Variants in RBFOX1 observed in about 807,000 individuals in gnomAD.
RBFOX1 encodes RNA binding fox-1 homolog 1.
In RBFOX1, 8 loss-of-function variants were observed where a neutral mutation model predicts 57.7. That is an observed-to-expected ratio of 0.14 (90% CI 0.08 to 0.25). RBFOX1 has a LOEUF of 0.25. RBFOX1 is among the 10% of genes least tolerant of loss of function. The probability of loss-of-function intolerance (pLI) is 1.00; values close to 1 mark genes in which losing one functional copy is unlikely to be tolerated. For missense variants in RBFOX1, 611 were observed against 548.5 expected (o/e 1.11, Z -1.14); for synonymous variants, 326 against 222.4 (o/e 1.47, Z -4.15).
intron 1 of RBFOX1, among the ~76,000 whole-genome samples, chr16:5,282,698 C>G (rs935804847): frequency 6.6e-6 from 1 of 152,178 alleles, no homozygotes; most frequent in African/African-American, 2.4e-5. Context: ...GAAGAGATTT[C>G]TAAGCAGCAA....
intron 3 of RBFOX1, among the ~76,000 whole-genome samples, chr16:6,876,332 G>T (rs1221372790): frequency 2.0e-5 from 3 of 152,140 alleles, no homozygotes; most frequent in Non-Finnish European, 4.4e-5. Context: ...TGAATGACTT[G>T]TTGACTATTC....
intron 2 of RBFOX1, among the ~76,000 whole-genome samples, chr16:6,636,813 A>AATATATATAAT (rs369340131): frequency 2.3e-5 from 1 of 44,252 alleles, no homozygotes; most frequent in Non-Finnish European, 5.0e-5. Context: ...TATAATATAT[A>AATATATATAAT]ATATATAATA....
chr16:5,258,753 T>C (rs1380771844), intron 1 of RBFOX1, among the ~76,000 whole-genome samples: 1 of 152,000 alleles, frequency 6.6e-6, no homozygotes, highest in Non-Finnish European at 1.5e-5. Flanking sequence ...CTATCTCTAT[T>C]AAACATACAA....
At chr16:6,135,007 C>T (rs2096656618) in intron 1 of RBFOX1, among the ~76,000 whole-genome samples, 1 of 152,142 alleles carries the variant, frequency 6.6e-6, no homozygotes, top group Non-Finnish European at 1.5e-5. Flanking sequence ...CCCCTGACCC[C>T]ACTACAGGCC....
At chr16:6,990,911 ACT>A (rs1242143086) in intron 3 of RBFOX1, among the ~76,000 whole-genome samples, 2 of 151,890 alleles carry the variant, frequency 1.3e-5, no homozygotes, top group African/African-American at 2.4e-5. Flanking sequence ...TAGAAAAGTG[ACT>A]CTCGCAATTT....
At chr16:6,810,655 G>C (rs549806855) in intron 3 of RBFOX1, among the ~76,000 whole-genome samples, 1 of 152,030 alleles carries the variant, frequency 6.6e-6, no homozygotes, top group South Asian at 2.1e-4. Flanking sequence ...TTTAATTGAC[G>C]CAGTTCCACA....
Position 7,712,729 on chromosome 16 carries a change from C to T in RBFOX1, c.*1984C>T, listed in dbSNP as rs558574390. 5 of 152,252 alleles carry T rather than the reference C, an allele frequency of 3.3e-5. No individual in the cohort carries two copies. The South Asian group carries it at 8.3e-4, about 25-fold the overall frequency. The allele number at this position is 152,252 out of a possible 1,614,324, so 9.4% of individuals were successfully genotyped here. A position where few individuals can be genotyped will look rare whatever the true frequency, so the allele number is the denominator to read the frequency against. ...TGGCAATGGGTGCCTGGTTGATGTT[C>T]TTAAAGGAAACGAATTATTAAAACA... On this transcript the variant is annotated 3_prime_UTR_variant, in exon 16 of 16. Transcript: ENST00000550418.
In RBFOX1 at chr16:7,077,325, T is replaced by C. The variant is rs539167254; in HGVS notation, c.27+25227T>C. 4.6e-5 allele frequency among the ~76,000 whole-genome samples: 7 copies of C among 152,334 alleles called. No individual in the cohort carries two copies. The East Asian group carries it at 1.3e-3, about 29-fold the overall frequency. ...TCCATGTGTAACTGACCAAAGTAAA[T>C]GCAGTTTTGCAAACTGCAATGAGTT... On this transcript the variant is annotated intron_variant, in intron 4 of 15. Transcript: ENST00000550418.
intron 3 of RBFOX1, among the ~76,000 whole-genome samples, chr16:6,668,871 C>A (rs897330977): frequency 6.6e-6 from 1 of 152,152 alleles, no homozygotes; most frequent in Non-Finnish European, 1.5e-5. Context: ...AATTAAAATG[C>A]ATTTAGGAAA....
chr16:6,897,091 G>A (rs1008867429), intron 3 of RBFOX1, among the ~76,000 whole-genome samples: 1 of 152,118 alleles, frequency 6.6e-6, no homozygotes, highest in East Asian at 1.9e-4. Flanking sequence ...AGGGAGCAAT[G>A]GATGGGGCTA....
At chr16:5,602,639 A>C (rs2047403827), downstream of RBFOX1, among the ~76,000 whole-genome samples, 1 of 152,210 alleles carries the variant, frequency 6.6e-6, no homozygotes, top group Non-Finnish European at 1.5e-5. Flanking sequence ...GGCAGATGGA[A>C]AGTTCAACTA....
At chr16:7,321,147 T>C (rs2096539872) in intron 4 of RBFOX1, among the ~76,000 whole-genome samples, 1 of 74,236 alleles carries the variant, frequency 1.3e-5, no homozygotes, top group Non-Finnish European at 3.4e-5. Flanking sequence ...TTATATTGTT[T>C]GTTTTTTGAG....
chr16:6,614,174 A>G (rs1178205168), intron 2 of RBFOX1, among the ~76,000 whole-genome samples: 1 of 152,164 alleles, frequency 6.6e-6, no homozygotes, highest in Admixed American at 6.5e-5. Context: ...AGATCATATC[A>G]TTCAGATCTT....
chr16:6,416,614 C>A (rs1175882556), intron 2 of RBFOX1, among the ~76,000 whole-genome samples: 1 of 151,972 alleles, frequency 6.6e-6, no homozygotes, highest in Non-Finnish European at 1.5e-5. Flanking sequence ...AATTTTATGT[C>A]CTCAGTAAGA....
At chr16:5,537,152 A>G (rs1282638939) in intron 2 of RBFOX1, among the ~76,000 whole-genome samples, 3 of 152,116 alleles carry the variant, frequency 2.0e-5, no homozygotes, top group South Asian at 2.1e-4. Context: ...AGGCTTTTCT[A>G]TAATCTTACT....
At chr16:6,603,711 G>A (rs1481847406) in intron 2 of RBFOX1, among the ~76,000 whole-genome samples, 3 of 152,150 alleles carry the variant, frequency 2.0e-5, no homozygotes, top group South Asian at 2.1e-4. Context: ...TCTTTCCCAT[G>A]GGTAAGGACA....
chr16:5,477,412 G>A (rs2069366843), intron 2 of RBFOX1, among the ~76,000 whole-genome samples: 1 of 152,172 alleles, frequency 6.6e-6, no homozygotes, highest in African/African-American at 2.4e-5. Flanking sequence ...TACCCAAAGA[G>A]CTAGGAGAGA....
intron 3 of RBFOX1, among the ~76,000 whole-genome samples, chr16:5,636,155 C>G (rs1205266023): frequency 6.6e-6 from 1 of 152,152 alleles, no homozygotes; most frequent in Non-Finnish European, 1.5e-5. Context: ...CGAGACCAGC[C>G]TGACCAACAT....
chr16:7,518,053 C>CG (rs1007350353), intron 4 of RBFOX1, 94 bp from the exon 5 acceptor site: 4 of 1,464,788 alleles, frequency 2.7e-6, no homozygotes, highest in Admixed American at 2.0e-5. Flanking sequence ...AGAAAGTACG[C>CG]GGGGCACGAT....
Sources: allele counts gnomAD v4.1 joint callset (sites outside exome capture counted in the v4.1 genomes callset), GRCh38; gene constraint gnomAD v4.1.1; transcripts MANE v1.5; gene names NCBI Gene and HGNC (gene_info 2026-07-23, HGNC 2026-07-21).